Variants in DNAH7 observed in about 807,000 individuals in gnomAD.
The protein encoded by DNAH7 is axonemal beta dynein heavy chain 7.
A neutral mutation model predicts 444.6 loss-of-function variants in DNAH7; 397 were observed. The observed-to-expected ratio is 0.89, with a 90% CI of 0.82 to 0.97. The LOEUF (loss-of-function observed/expected upper bound fraction) is 0.97. Ranked by LOEUF, DNAH7 falls within the 50% of genes least tolerant of loss-of-function variation. The probability of loss-of-function intolerance (pLI) is 0.00; values close to 1 mark genes in which losing one functional copy is unlikely to be tolerated. For missense variants in DNAH7, 4,902 were observed against 4,800.8 expected (o/e 1.02, Z -0.62); for synonymous variants, 1,636 against 1,624.4 (o/e 1.01, Z -0.17).
intron 12 of DNAH7, among the ~76,000 whole-genome samples, chr2:195,997,380 C>T (rs189137109): frequency 5.9e-5 from 9 of 152,140 alleles, no homozygotes; most frequent in Admixed American, 5.2e-4. Context: ...GGCATGGTGG[C>T]GCACACCAGT....
chr2:195,947,086 T>A (rs968889796), intron 19 of DNAH7, among the ~76,000 whole-genome samples: 1 of 147,904 alleles, frequency 6.8e-6, no homozygotes, highest in African/African-American at 2.5e-5. Flanking sequence ...GCCAATTATA[T>A]ATATATTTAT....
At chr2:195,918,976 C>T (rs1382670236) in intron 24 of DNAH7, among the ~76,000 whole-genome samples, 1 of 152,030 alleles carries the variant, frequency 6.6e-6, no homozygotes, top group Admixed American at 6.6e-5. Flanking sequence ...TTGGGCCAGG[C>T]GCAGTGGTTC....
chr2:195,981,816 A>G (rs1445045937), intron 15 of DNAH7, among the ~76,000 whole-genome samples: 2 of 152,228 alleles, frequency 1.3e-5, no homozygotes, highest in Admixed American at 6.5e-5. Context: ...AATCAAATCA[A>G]AATGGATTAA....
intron 58 of DNAH7, among the ~76,000 whole-genome samples, chr2:195,780,506 T>C (rs956309847): frequency 1.3e-5 from 2 of 152,126 alleles, no homozygotes; most frequent in Non-Finnish European, 2.9e-5. Flanking sequence ...CCCAGCACTT[T>C]GGGAGGCCGA....
At chr2:196,047,774 C>G (rs1697229779) in intron 4 of DNAH7, among the ~76,000 whole-genome samples, 1 of 151,308 alleles carries the variant, frequency 6.6e-6, no homozygotes, top group African/African-American at 2.4e-5. Flanking sequence ...ATATGATTCT[C>G]TAAAAGTGAA....
intron 24 of DNAH7, among the ~76,000 whole-genome samples, chr2:195,914,801 T>C (rs1687571109): frequency 6.6e-6 from 1 of 152,142 alleles, no homozygotes; most frequent in South Asian, 2.1e-4. Flanking sequence ...ATAGCTGGGA[T>C]TACAGGCATG....
At chr2:196,062,337 TAACTA>T (rs1698175537) in intron 1 of DNAH7, among the ~76,000 whole-genome samples, 2 of 152,170 alleles carry the variant, frequency 1.3e-5, no homozygotes, top group African/African-American at 2.4e-5. Flanking sequence ...GGCACATACT[TAACTA>T]AACCATAATC....
At chr2:196,022,163 CT>C (rs1287862957) in intron 8 of DNAH7, among the ~76,000 whole-genome samples, 1 of 152,108 alleles carries the variant, frequency 6.6e-6, no homozygotes, top group Admixed American at 6.6e-5. Context: ...TTTTAAAATA[CT>C]TTGTTGCCAC....
chr2:195,895,865 A>C (rs1350523196), intron 29 of DNAH7, among the ~76,000 whole-genome samples: 1 of 152,174 alleles, frequency 6.6e-6, no homozygotes, highest in Non-Finnish European at 1.5e-5. Context: ...TTGAGATTCA[A>C]ACATGTCACA....
intron 10 of DNAH7, among the ~76,000 whole-genome samples, chr2:196,010,858 G>A (rs191861053): frequency 3.7e-4 from 56 of 152,274 alleles, no homozygotes; most frequent in Middle Eastern, 3.4e-3. Flanking sequence ...CAGCAACATG[G>A]ATGAGCCTGG....
chr2:195,910,091 T>C lies in DNAH7; in HGVS notation c.4040A>G (p.Lys1347Arg). Residue 1347 changes from lysine to arginine, a missense_variant, in exon 25 of 65, where the codon AAA becomes AGA. By Grantham distance (26) the Lys-to-Arg change is conservative. Transcript: ENST00000312428. ...AGAGCAGTTGAAAACAACACATTGTTTGGCTACAGCTTTTGCCAAATCCTT... is the reference window on the plus strand; with the variant it reads ...AGAGCAGTTGAAAACAACACATTGTCTGGCTACAGCTTTTGCCAAATCCTT... ...TTKDLAKAVAKQCVVFNCSDG... is the reference protein window; with the variant it reads ...TTKDLAKAVARQCVVFNCSDG... 1.2e-6 allele frequency: 2 copies of C among 1,613,974 alleles called. No homozygotes were observed. The highest frequency in any genetic ancestry group is 1.7e-6 in the Non-Finnish European group (2 of 1,179,902).
In DNAH7 at chr2:196,068,759, C is replaced by T; in HGVS notation, c.-48G>A. The T allele has an allele frequency of 6.5e-7, 1 of 1,548,528 alleles. No individual in the cohort carries two copies. Among genetic ancestry groups the T allele is most frequent in the Non-Finnish European group, 8.7e-7 (1 of 1,146,246 alleles). Reference sequence around the variant, plus strand: ...CACCGGTGCTTCTGGGTTGCTCCTGCCCGCGGAACCCCTAGGACGATAGAG... The same window carrying T: ...CACCGGTGCTTCTGGGTTGCTCCTGTCCGCGGAACCCCTAGGACGATAGAG... On this transcript the variant is annotated 5_prime_UTR_variant, in exon 1 of 65. Coordinates refer to ENST00000312428, the MANE Select transcript of DNAH7 (RefSeq NM_018897.3).
At position 195,864,603 on chromosome 2, in the gene DNAH7, G is replaced by C; in HGVS notation, c.7052C>G (p.Thr2351Ser). 6.2e-7 allele frequency: 1 copy of C among 1,614,104 alleles called. No individual in the cohort carries two copies. The highest frequency in any genetic ancestry group is 1.3e-5 in the African/African-American group (1 of 75,020). Reference sequence around the variant, plus strand: ...ATCAGCCATGTGGGCAGCTAATCTGGTGACAGACTGCCTTCCACTCCCTCC... The same window carrying C: ...ATCAGCCATGTGGGCAGCTAATCTGCTGACAGACTGCCTTCCACTCCCTCC... ...GVGGSGRQSV[T>S]RLAAHMADYS... is the part of the protein sequence containing the mutation. Residue 2351 changes from threonine (T) to serine (S), a missense_variant, in exon 41 of 65, where the codon ACC (threonine) becomes AGC (serine). Transcript: ENST00000312428.
In DNAH7 at chr2:195,742,146, G is replaced by A. The variant is rs532123267; in HGVS notation, c.11765-1277C>T. Among the ~76,000 whole-genome samples the A allele has an allele frequency of 3.9e-5, 6 of 152,306 alleles. 1 individual carries two copies. In the South Asian group the frequency reaches 1.2e-3, roughly 32 times the overall value. On this transcript the variant is annotated intron_variant, in intron 63 of 64. Coordinates refer to ENST00000312428, the MANE Select transcript of DNAH7 (RefSeq NM_018897.3). ...AAATGGACCTTGATTCCAGGGCAGTGGAGGGGTGGACTTGCGTGAGGGGAG... is the reference window on the plus strand; with the variant it reads ...AAATGGACCTTGATTCCAGGGCAGTAGAGGGGTGGACTTGCGTGAGGGGAG...
In DNAH7 at chr2:195,936,614, G is replaced by A; in HGVS notation, c.3257C>T (p.Thr1086Ile). The A allele has an allele frequency of 5.0e-6, 8 of 1,592,930 alleles. No homozygotes were observed. The highest frequency in any genetic ancestry group is 6.8e-6 in the Non-Finnish European group (8 of 1,174,002). Residue 1086 changes from threonine (T) to isoleucine (I), a missense_variant, in exon 20 of 65, where the codon ACT (threonine) becomes ATT (isoleucine). Transcript: ENST00000312428. ...AATTACTTACCTAGTGGGATCTTTA[G>A]TCTCAGATAGTATCTCAAGAAGTTC... ...NDELLEILSETKDPTRVQPHL... is the reference protein window; with the variant it reads ...NDELLEILSEIKDPTRVQPHL...
At position 195,834,261 on chromosome 2, in the gene DNAH7, A is replaced by C. The variant is rs778578994; in HGVS notation, c.9045T>G (p.Leu3015=). 3.1e-6 allele frequency: 5 copies of C among 1,608,636 alleles called. No individual in the cohort carries two copies. The highest frequency in any genetic ancestry group is 3.3e-5 in the Admixed American group (2 of 59,946). ...GAGTCCTGACATAGTCAGGTTCACT[A>C]AGTTTAATCACATAAAGACTATTGG... is the stretch of plus-strand genomic sequence containing the variant. ...EKANSLYVIK[L]SEPDYVRTLE... is the part of the protein sequence containing the mutation. Residue 3015 remains leucine (L), a synonymous_variant, in exon 48 of 65, where the codon CTT becomes CTG. Transcript: ENST00000312428.
At position 196,058,074 on chromosome 2, in the gene DNAH7, A is replaced by C; in HGVS notation, c.58T>G (p.Phe20Val). 6.3e-7 allele frequency: 1 copy of C among 1,576,810 alleles called. No homozygotes were observed. Among genetic ancestry groups the C allele is most frequent in the Non-Finnish European group, 8.6e-7 (1 of 1,160,602 alleles). The change falls in exon 2 of 65, where the codon TTT (phenylalanine) becomes GTT (valine). Residue 20 changes from phenylalanine (F) to valine (V), a missense_variant. By Grantham distance (50) the Phe-to-Val change is conservative. Coordinates refer to ENST00000312428, the MANE Select transcript of DNAH7 (RefSeq NM_018897.3). ...ATTACCATAGACAGCTGTGGTAGAAATCTTACTGGTTTCTTGGATTTTTCT... is the reference window on the plus strand; with the variant it reads ...ATTACCATAGACAGCTGTGGTAGAACTCTTACTGGTTTCTTGGATTTTTCT... Reference protein sequence around the residue: ...SKEKSKKPVRFLPQLSMEKLA... With the variant: ...SKEKSKKPVRVLPQLSMEKLA...
chr2:195,963,504 G>A (rs1691252895), intron 17 of DNAH7, among the ~76,000 whole-genome samples: 1 of 152,136 alleles, frequency 6.6e-6, no homozygotes, highest in Admixed American at 6.5e-5. Context: ...ATGTATTCCA[G>A]TTATTAATCC....
rs1238709416 is a variant in DNAH7, at chr2:195,884,647, T to C, written c.5701A>G (p.Lys1901Glu). 2.5e-6 allele frequency: 4 copies of C among 1,614,058 alleles called. No individual in the cohort carries two copies. Among genetic ancestry groups the C allele is most frequent in the African/African-American group, 2.7e-5 (2 of 74,940 alleles). ...LQSGTEQTSS[K>E]ALTVPFPEKG... ...TCAGGAAATGGGACAGTTAGTGCCT[T>C]TGAGGATGTTTGCTCAGTACCACTC... is the stretch of plus-strand genomic sequence containing the variant. The change falls in exon 35 of 65, where the codon AAG (lysine) becomes GAG (glutamate). Residue 1901 changes from lysine (K) to glutamate (E), a missense_variant. Physicochemically the swap from Lys to Glu is moderately conservative, Grantham distance 56 (BLOSUM62 1). Transcript: ENST00000312428.
Sources: gnomAD v4.1 joint callset for allele counts (sites outside exome capture counted in the v4.1 genomes callset) on GRCh38, gnomAD v4.1.1 for gene constraint, MANE v1.5 for transcripts, NCBI Gene and HGNC (gene_info 2026-07-23, HGNC 2026-07-21) for gene names.